The following GABRG3 variants were observed in gnomAD, a reference collection of about 807,000 sequenced individuals.
The protein encoded by GABRG3 is gamma-aminobutyric acid receptor subunit gamma-3.
In GABRG3, 25 loss-of-function variants were observed where a neutral mutation model predicts 48.8. The ratio of observed to expected loss-of-function variants is 0.51; its 90% CI spans 0.37 to 0.72. The LOEUF is 0.72. Ranked by LOEUF, GABRG3 falls within the 30% of genes least tolerant of loss-of-function variation. The pLI, the probability that GABRG3 is intolerant of heterozygous loss-of-function variation, is 0.00. For synonymous variants in GABRG3, 227 were observed against 217.6 expected, an observed-to-expected ratio of 1.04 and a Z score of -0.38; for missense variants, 394 against 577.9, an observed-to-expected ratio of 0.68 and a Z score of 3.26.
At chr15:27,074,263 A>G (rs1310372201) in intron 3 of GABRG3, among the ~76,000 whole-genome samples, 2 of 152,130 alleles carry the variant, frequency 1.3e-5, no homozygotes, top group Non-Finnish European at 2.9e-5. Context: ...GAGCCAAACC[A>G]TATCAGTTTC....
chr15:27,307,290 T>TATA (rs1335782302), intron 3 of GABRG3, among the ~76,000 whole-genome samples: 204 of 140,818 alleles, frequency 1.4e-3, no homozygotes, highest in African/African-American at 5.0e-3. Flanking sequence ...CATAGGTTTA[T>TATA]ATATGTTTAT....
At position 27,519,985 on chromosome 15, in the gene GABRG3, C is replaced by G. The variant is rs1218439535; in HGVS notation, c.726C>G (p.Val242=). ...IVTTSAGDYV[V]MTIYFELSRR... ...ATTTTATTACAGGTGATTATGTTGT[C>G]ATGACTATATATTTTGAATTGAGTA... is the stretch of plus-strand genomic sequence containing the variant. Residue 242 remains valine, a synonymous_variant, in exon 7 of 10, where the codon GTC becomes GTG. Coordinates refer to ENST00000615808, the MANE Select transcript of GABRG3 (RefSeq NM_033223.5). The G allele has an allele frequency of 6.4e-7, 1 of 1,555,822 alleles. No homozygotes were observed. The highest frequency in any genetic ancestry group is 2.3e-5 in the East Asian group (1 of 43,724).
intron 3 of GABRG3, among the ~76,000 whole-genome samples, chr15:27,226,620 C>G (rs1054142814): frequency 6.6e-6 from 1 of 151,726 alleles, no homozygotes; most frequent in African/African-American, 2.4e-5. Flanking sequence ...AGAGGAGCCA[C>G]CGGTGCTTCC....
At chr15:27,261,948 C>T (rs965726193) in intron 3 of GABRG3, among the ~76,000 whole-genome samples, 3 of 152,196 alleles carry the variant, frequency 2.0e-5, no homozygotes, top group Admixed American at 2.0e-4. Context: ...ATGCCCAAAA[C>T]CTCTTCACTA....
intron 5 of GABRG3, among the ~76,000 whole-genome samples, chr15:27,459,050 T>C (rs1210338348): frequency 6.6e-6 from 1 of 152,116 alleles, no homozygotes; most frequent in Admixed American, 6.5e-5. Flanking sequence ...ATAAGTCTTC[T>C]CTCTCCACCT....
At chr15:27,101,590 C>T (rs1435280176) in intron 3 of GABRG3, among the ~76,000 whole-genome samples, 1 of 152,056 alleles carries the variant, frequency 6.6e-6, no homozygotes, top group Admixed American at 6.6e-5. Context: ...GGAGTAGACA[C>T]ATAGATCTGA....
chr15:27,458,526 C>A (rs1338057889), intron 5 of GABRG3, among the ~76,000 whole-genome samples: 1 of 152,178 alleles, frequency 6.6e-6, no homozygotes, highest in African/African-American at 2.4e-5. Flanking sequence ...GTATCCACAG[C>A]TGCCTCGCAA....
chr15:26,973,189 C>G (rs1363871086), intron 1 of GABRG3, among the ~76,000 whole-genome samples: 1 of 152,194 alleles, frequency 6.6e-6, no homozygotes, highest in Non-Finnish European at 1.5e-5. Context: ...TGCCTATTGT[C>G]CTCACTACTG....
intron 5 of GABRG3, among the ~76,000 whole-genome samples, chr15:27,410,985 A>ATAT (rs1887780498): frequency 6.6e-6 from 1 of 152,026 alleles, no homozygotes; most frequent in Non-Finnish European, 1.5e-5. Context: ...TCCATCAGCG[A>ATAT]TGAGACATTA....
chr15:27,184,688 G>A (rs1389160304), intron 3 of GABRG3, among the ~76,000 whole-genome samples: 6 of 152,176 alleles, frequency 3.9e-5, no homozygotes, highest in Non-Finnish European at 7.3e-5. Context: ...TTTTAAGGAA[G>A]CTTTTAAATT....
intron 3 of GABRG3, among the ~76,000 whole-genome samples, chr15:27,255,985 G>GT (rs1329253061): frequency 1.3e-5 from 2 of 152,180 alleles, no homozygotes; most frequent in Admixed American, 6.5e-5. Context: ...CCCAGAACCT[G>GT]TGTCTATGTT....
intron 6 of GABRG3, among the ~76,000 whole-genome samples, chr15:27,495,573 T>C (rs1448519008): frequency 6.6e-6 from 1 of 152,260 alleles, no homozygotes; most frequent in Non-Finnish European, 1.5e-5. Flanking sequence ...GTCTGTTGTA[T>C]AATTCTTTCC....
At chr15:27,497,466 A>G (rs1011056573) in intron 6 of GABRG3, among the ~76,000 whole-genome samples, 1 of 152,140 alleles carries the variant, frequency 6.6e-6, no homozygotes, top group African/African-American at 2.4e-5. Context: ...GTGTCTTCAG[A>G]CCTTGATTAT....
At chr15:27,023,712 C>T (rs1048510321) in intron 2 of GABRG3, among the ~76,000 whole-genome samples, 3 of 152,188 alleles carry the variant, frequency 2.0e-5, no homozygotes, top group African/African-American at 7.2e-5. Context: ...ATTCATTTGT[C>T]GATGAGCACT....
At chr15:27,247,130 G>T (rs1054225996) in intron 3 of GABRG3, among the ~76,000 whole-genome samples, 2 of 152,110 alleles carry the variant, frequency 1.3e-5, no homozygotes, top group African/African-American at 4.8e-5. Flanking sequence ...TGTAGAGATG[G>T]TATCTCACTA....
intron 3 of GABRG3, among the ~76,000 whole-genome samples, chr15:27,182,286 C>G (rs552126223): frequency 2.0e-5 from 3 of 152,270 alleles, no homozygotes; most frequent in African/African-American, 7.2e-5. Flanking sequence ...ATGTAATTCA[C>G]TCTTACTCAC....
chr15:27,292,465 A>C (rs920300516), intron 3 of GABRG3, among the ~76,000 whole-genome samples: 4 of 152,142 alleles, frequency 2.6e-5, no homozygotes, highest in African/African-American at 9.7e-5. Context: ...CCCCTAATTC[A>C]GATATTCTGA....
intron 3 of GABRG3, among the ~76,000 whole-genome samples, chr15:27,103,372 A>G (rs181902855): frequency 6.2e-4 from 95 of 152,270 alleles, no homozygotes; most frequent in African/African-American, 2.1e-3. Context: ...GGAGTGTCTG[A>G]ACCACAGAAC....
chr15:27,504,760 T>G (rs530913000), intron 6 of GABRG3, among the ~76,000 whole-genome samples: 73 of 152,250 alleles, frequency 4.8e-4, no homozygotes, highest in African/African-American at 1.8e-3. Flanking sequence ...AGTGTGGGTT[T>G]GCTAGTGATC....
Sources: allele counts gnomAD v4.1 joint callset (sites outside exome capture counted in the v4.1 genomes callset), GRCh38; gene constraint gnomAD v4.1.1; transcripts MANE v1.5; gene names NCBI Gene and HGNC (gene_info 2026-07-23, HGNC 2026-07-21).